Variants in TTC28 observed in about 807,000 individuals in gnomAD.
The protein encoded by TTC28 is tetratricopeptide repeat protein 28.
A neutral mutation model predicts 198.0 loss-of-function variants in TTC28; 61 were observed. The ratio of observed to expected loss-of-function variants is 0.31; its 90% CI spans 0.25 to 0.38. TTC28 has a LOEUF of 0.38. Ranked by LOEUF, TTC28 falls within the 10% of genes least tolerant of loss-of-function variation. The pLI, the probability that TTC28 is intolerant of heterozygous loss-of-function variation, is 1.00. For missense variants in TTC28, 2,678 were observed against 3,164.0 expected (o/e 0.85, Z 3.69); for synonymous variants, 1,171 against 1,297.8 (o/e 0.90, Z 2.10).
At chr22:28,365,508 A>G (rs1601694655) in intron 2 of TTC28, among the ~76,000 whole-genome samples, 1 of 152,324 alleles carries the variant, frequency 6.6e-6, no homozygotes. Context: ...AAAAACATAC[A>G]TGAGATTACC....
intron 13 of TTC28, among the ~76,000 whole-genome samples, chr22:28,016,540 A>G (rs1173452647): frequency 6.6e-6 from 1 of 152,148 alleles, no homozygotes; most frequent in Non-Finnish European, 1.5e-5. Flanking sequence ...AATCTAGATG[A>G]TGGCCTGGAC....
intron 12 of TTC28, among the ~76,000 whole-genome samples, chr22:28,069,415 A>T (rs1419614887): frequency 6.6e-6 from 1 of 152,204 alleles, no homozygotes; most frequent in Non-Finnish European, 1.5e-5. Flanking sequence ...AAGTGCCCAA[A>T]GAGGTCATTT....
chr22:28,514,568 G>A (rs1478652771), intron 2 of TTC28, among the ~76,000 whole-genome samples: 2 of 152,178 alleles, frequency 1.3e-5, no homozygotes, highest in Admixed American at 6.5e-5. Flanking sequence ...AACCTTACAC[G>A]GAGTGTTCAC....
intron 2 of TTC28, among the ~76,000 whole-genome samples, chr22:28,424,538 C>T (rs2047316769): frequency 6.6e-6 from 1 of 152,146 alleles, no homozygotes; most frequent in Non-Finnish European, 1.5e-5. Context: ...GGTATTATCT[C>T]TTTATCCAAG....
At chr22:27,988,326 C>T (rs1937284392) in intron 21 of TTC28, among the ~76,000 whole-genome samples, 2 of 133,600 alleles carry the variant, frequency 1.5e-5, no homozygotes, top group South Asian at 2.4e-4. Flanking sequence ...TTGCTCTTGT[C>T]GCCCAGGCTG....
chr22:28,309,773 C>T (rs2045218344), intron 2 of TTC28, among the ~76,000 whole-genome samples: 1 of 152,098 alleles, frequency 6.6e-6, no homozygotes, highest in African/African-American at 2.4e-5. Context: ...AAACATACAC[C>T]ACATACTGGT....
intron 1 of TTC28, among the ~76,000 whole-genome samples, chr22:28,660,791 T>A (rs1424688540): frequency 4.6e-5 from 7 of 151,704 alleles, no homozygotes; most frequent in South Asian, 2.1e-4. Flanking sequence ...CCCAAAGTGC[T>A]GGGATTACAG....
chr22:28,108,546 T>C, intron 6 of TTC28, 143 bp from the exon 7 acceptor site: 1 of 714,358 alleles, frequency 1.4e-6, no homozygotes, highest in Non-Finnish European at 2.0e-6. Flanking sequence ...TAGAATTAAA[T>C]ATTTATCAGC....
intron 2 of TTC28, among the ~76,000 whole-genome samples, chr22:28,618,378 A>C (rs1423169141): frequency 4.6e-5 from 7 of 151,508 alleles, no homozygotes; most frequent in African/African-American, 1.7e-4. Flanking sequence ...CAAACCAAAA[A>C]TACATCTAAA....
chr22:28,173,893 A>G (rs890291409), intron 5 of TTC28, among the ~76,000 whole-genome samples: 1 of 152,214 alleles, frequency 6.6e-6, no homozygotes, highest in African/African-American at 2.4e-5. Context: ...TGGGAGGATT[A>G]CATGCTTACA....
intron 5 of TTC28, among the ~76,000 whole-genome samples, chr22:28,275,168 C>T (rs1166805729): frequency 1.3e-5 from 2 of 152,122 alleles, no homozygotes; most frequent in Non-Finnish European, 2.9e-5. Context: ...ATTCAGTCCG[C>T]ATTACGGAAG....
At chr22:28,314,241 T>C (rs2045316727) in intron 2 of TTC28, among the ~76,000 whole-genome samples, 1 of 152,220 alleles carries the variant, frequency 6.6e-6, no homozygotes, top group Admixed American at 6.5e-5. Context: ...AAACATTCCA[T>C]GCTCATGGAT....
intron 5 of TTC28, among the ~76,000 whole-genome samples, chr22:28,187,949 C>T (rs577563898): frequency 6.6e-6 from 1 of 152,268 alleles, no homozygotes; most frequent in East Asian, 1.9e-4. Context: ...TAAGAAACAT[C>T]AAGAAAACAA....
At chr22:28,619,926 T>G (rs1264130681) in intron 2 of TTC28, among the ~76,000 whole-genome samples, 1 of 152,208 alleles carries the variant, frequency 6.6e-6, no homozygotes, top group African/African-American at 2.4e-5. Flanking sequence ...ATAGATAACT[T>G]ATTTTAAGAA....
chr22:28,203,565 T>G (rs1926151664), intron 5 of TTC28, among the ~76,000 whole-genome samples: 1 of 152,140 alleles, frequency 6.6e-6, no homozygotes. Flanking sequence ...CAGCTGGGCT[T>G]GGCTTTTTTA....
At position 27,993,531 on chromosome 22, in the gene TTC28, T is replaced by C; in HGVS notation, c.5245-13A>G. On this transcript the variant is annotated splice_polypyrimidine_tract_variant and intron_variant, in intron 17 of 22. Coordinates refer to ENST00000397906, the MANE Select transcript of TTC28 (RefSeq NM_001145418.2). The stretch of plus-strand genomic sequence containing the variant: ...GGGATTTCTCCACCTGAGGGGGAAT[T>C]GGGGGTGAGTCAGAGACCCAGGCCA... 2 of 1,533,480 alleles carry C rather than the reference T, an allele frequency of 1.3e-6. No individual in the cohort carries two copies. Among genetic ancestry groups the C allele is most frequent in the Non-Finnish European group, 1.8e-6 (2 of 1,134,910 alleles). 95.0% of individuals were successfully genotyped at this position (1,533,480 alleles called of 1,614,324 possible).
chr22:28,482,585 AC>A (rs1156727226), intron 2 of TTC28, among the ~76,000 whole-genome samples: 2 of 151,986 alleles, frequency 1.3e-5, no homozygotes, highest in African/African-American at 4.8e-5. Flanking sequence ...AACTCATATA[AC>A]ATAACATCAG....
chr22:28,548,865 AC>A (rs2049599155), intron 2 of TTC28, among the ~76,000 whole-genome samples: 1 of 152,126 alleles, frequency 6.6e-6, no homozygotes, highest in South Asian at 2.1e-4. Flanking sequence ...TCCAAATCCT[AC>A]CAATCCTTTA....
intron 14 of TTC28, 93 bp from the exon 15 acceptor site, chr22:28,001,646 C>T (rs1012526857): frequency 1.4e-4 from 201 of 1,415,932 alleles, no homozygotes; most frequent in Non-Finnish European, 1.9e-4. Flanking sequence ...CTGGATGACA[C>T]AAGCACGAGC....
Sources: gnomAD v4.1 joint callset for allele counts (sites outside exome capture counted in the v4.1 genomes callset) on GRCh38, gnomAD v4.1.1 for gene constraint, MANE v1.5 for transcripts, NCBI Gene and HGNC (gene_info 2026-07-23, HGNC 2026-07-21) for gene names.